Variants in IPP observed in about 807,000 individuals in gnomAD.
IPP encodes intracisternal A particle-promoted polypeptide.
Under a neutral mutation model 64.1 loss-of-function variants are expected in IPP, and 41 were observed. That is an observed-to-expected ratio of 0.64 (90% CI 0.50 to 0.83). The LOEUF (loss-of-function observed/expected upper bound fraction) is 0.83, where lower values mean the gene tolerates loss of function less well. IPP is among the 40% of genes least tolerant of loss of function. The pLI is 0.00. For synonymous variants in IPP, 214 were observed against 235.2 expected, an observed-to-expected ratio of 0.91 and a Z score of 0.83; for missense variants, 649 against 703.0, an observed-to-expected ratio of 0.92 and a Z score of 0.87.
chr1:45,698,123 T>A (rs1006024559), downstream of IPP: 1 of 151,708 alleles, frequency 6.6e-6, no homozygotes, highest in African/African-American at 2.4e-5. Context: ...GCCAACATGG[T>A]GAAACCCCAT....
At chr1:45,708,172 C>T (rs996479342) in intron 8 of IPP, among the ~76,000 whole-genome samples, 3 of 151,506 alleles carry the variant, frequency 2.0e-5, no homozygotes, top group African/African-American at 7.3e-5. Flanking sequence ...TCATGCCATT[C>T]TCCTGCCTCA....
chr1:45,734,658 C>T (rs997338043), intron 3 of IPP, among the ~76,000 whole-genome samples: 24 of 152,262 alleles, frequency 1.6e-4, no homozygotes, highest in African/African-American at 4.6e-4. Flanking sequence ...CTCACTCTAT[C>T]GCCCAGGCTG....
At chr1:45,722,445 G>C (rs1203757659) in intron 5 of IPP, among the ~76,000 whole-genome samples, 1 of 151,860 alleles carries the variant, frequency 6.6e-6, no homozygotes, top group African/African-American at 2.4e-5. Flanking sequence ...CAGCTACTTG[G>C]GAGGCTGAGG....
chr1:45,717,551 G>A (rs1645677675), intron 6 of IPP, among the ~76,000 whole-genome samples: 1 of 151,510 alleles, frequency 6.6e-6, no homozygotes. Flanking sequence ...TGTCACCCAG[G>A]CTGGAGTGCA....
At chr1:45,738,776 C>A (rs2148579184) in intron 3 of IPP, among the ~76,000 whole-genome samples, 1 of 136,800 alleles carries the variant, frequency 7.3e-6, no homozygotes, top group South Asian at 2.3e-4. Flanking sequence ...GGAGGCGGAG[C>A]TTGCAGTGAG....
chr1:45,699,743 A>G lies in IPP; in HGVS notation c.*223T>C. 1 of 1,284,352 alleles carries G rather than the reference A, an allele frequency of 7.8e-7. No individual in the cohort carries two copies. Among genetic ancestry groups the G allele is most frequent in the South Asian group, 1.9e-5 (1 of 53,398 alleles). The allele number at this position is 1,284,352 out of a possible 1,614,324, so 79.6% of individuals were successfully genotyped here. A position where few individuals can be genotyped will look rare whatever the true frequency, so the allele number is the denominator to read the frequency against. On this transcript the variant is annotated 3_prime_UTR_variant, in exon 9 of 9. Transcript: ENST00000396478. ...AGTGGCATGATCGTAGCTTACTACA[A>G]CCTCAAATTCCTGGGCTCAAGTGAT...
chr1:45,702,813 A>G (rs1645472440), intron 8 of IPP, among the ~76,000 whole-genome samples: 1 of 152,176 alleles, frequency 6.6e-6, no homozygotes, highest in South Asian at 2.1e-4. Flanking sequence ...TCAAAGCCAT[A>G]TAGAAAAATT....
chr1:45,746,320 C>T lies in IPP; in HGVS notation c.92G>A (p.Arg31Lys). The change falls in exon 2 of 9, where the codon AGA (arginine) becomes AAA (lysine). Residue 31 changes from arginine to lysine, a missense_variant. Transcript: ENST00000396478. ...CACATCACAGAAATGCTGTCCATTTCTCATCTTATTGATTTGGGCCAAGAT... is the reference window on the plus strand; with the variant it reads ...CACATCACAGAAATGCTGTCCATTTTTCATCTTATTGATTTGGGCCAAGAT... ...QLILAQINKM[R>K]NGQHFCDVQL... 1.2e-6 allele frequency: 2 copies of T among 1,614,132 alleles called. No homozygotes were observed. The highest frequency in any genetic ancestry group is 1.7e-4 in the Middle Eastern group (1 of 6,060).
chr1:45,733,480 A>AC (rs1645937276), intron 3 of IPP, among the ~76,000 whole-genome samples: 2 of 151,084 alleles, frequency 1.3e-5, no homozygotes, highest in African/African-American at 2.4e-5. Flanking sequence ...TAAAAAAAAA[A>AC]ACCCCAAAAT....
chr1:45,699,051 G>GC lies in IPP; in HGVS notation c.*914dup, dbSNP rs1471337720. ...CTAAAAAAGGGAGAAATTTCTAGGT[G>GC]CATACTGCCTGCTGGACTGTATAGC... On this transcript the variant is annotated 3_prime_UTR_variant, in exon 9 of 9. Coordinates refer to ENST00000396478, the MANE Select transcript of IPP (RefSeq NM_005897.3). The GC allele has an allele frequency of 4.1e-6, 4 of 985,398 alleles. No homozygotes were observed. In the East Asian group the frequency reaches 4.5e-4, roughly 112 times the overall value. 61.0% of individuals were successfully genotyped at this position (985,398 alleles called of 1,614,324 possible).
chr1:45,698,941 C>T lies in IPP; in HGVS notation c.*1025G>A, dbSNP rs916020300. ...CTCATCACGTTGCCCAGGCTAGTCT[C>T]GAACTCCTGAGTTCAAGCCATCTTC... On this transcript the variant is annotated 3_prime_UTR_variant, in exon 9 of 9. Coordinates refer to ENST00000396478, the MANE Select transcript of IPP (RefSeq NM_005897.3). 8.3e-6 allele frequency: 5 copies of T among 604,338 alleles called. No homozygotes were observed. In the East Asian group the frequency reaches 4.3e-4, roughly 51 times the overall value. The allele number at this position is 604,338 out of a possible 1,614,324, so 37.4% of individuals were successfully genotyped here.
intron 6 of IPP, among the ~76,000 whole-genome samples, chr1:45,718,407 G>C (rs940929437): frequency 2.6e-5 from 4 of 152,246 alleles, no homozygotes; most frequent in African/African-American, 9.6e-5. Context: ...GAATGTGTGT[G>C]ACTAGCAGCT....
At chr1:45,728,687 GGTTTCAT>G (rs1173396902) in intron 4 of IPP, among the ~76,000 whole-genome samples, 4 of 151,878 alleles carry the variant, frequency 2.6e-5, no homozygotes, top group African/African-American at 9.7e-5. Flanking sequence ...ATAAAGACAA[GGTTTCAT>G]CATGTTGCCT....
In IPP at chr1:45,707,965, C is replaced by T. The variant is rs566336356; in HGVS notation, c.1530+6281G>A. On this transcript the variant is annotated intron_variant, in intron 8 of 8. Coordinates refer to ENST00000396478, the MANE Select transcript of IPP (RefSeq NM_005897.3). ...AAGCTGCGGAAGAAAAAACACGTTA[C>T]ATATGGAGGAACAAAGACAAAAATT... 2.0e-5 allele frequency among the ~76,000 whole-genome samples: 3 copies of T among 151,936 alleles called. No homozygotes were observed. The South Asian group carries it at 6.2e-4, about 32-fold the overall frequency.
intron 3 of IPP, among the ~76,000 whole-genome samples, chr1:45,738,148 C>T (rs1044437227): frequency 6.6e-6 from 1 of 152,194 alleles, no homozygotes; most frequent in African/African-American, 2.4e-5. Context: ...AGGGGGACTA[C>T]TGCACTTGTT....
chr1:45,731,302 G>A (rs185428620), intron 3 of IPP, among the ~76,000 whole-genome samples: 3 of 152,214 alleles, frequency 2.0e-5, no homozygotes, highest in Admixed American at 1.3e-4. Flanking sequence ...TGAGCTGGGC[G>A]TGGTGGTATG....
chr1:45,720,178 C>T lies in IPP; in HGVS notation c.1049-838G>A, dbSNP rs146127972. Among the ~76,000 whole-genome samples the T allele has an allele frequency of 4.7e-3, 704 of 151,252 alleles. 7 individuals carry two copies. Among genetic ancestry groups the T allele is most frequent in the African/African-American group, 0.016 (657 of 41,222 alleles). ...GAAGCCTCAAACTCCTGGACTCAAG[C>T]GATCCTCCTGCCTCAGCCTCCCAAG... On this transcript the variant is annotated intron_variant, in intron 5 of 8. Coordinates refer to ENST00000396478, the MANE Select transcript of IPP (RefSeq NM_005897.3).
At position 45,699,919 on chromosome 1, in the gene IPP, G is replaced by C; in HGVS notation, c.*47C>G. On this transcript the variant is annotated 3_prime_UTR_variant, in exon 9 of 9. Coordinates refer to ENST00000396478, the MANE Select transcript of IPP (RefSeq NM_005897.3). ...CTATGTTTGCTTTGCAAAAGGTCAGGTCCTGCATTTTCAAAATGTTCCTTG... is the reference window on the plus strand; with the variant it reads ...CTATGTTTGCTTTGCAAAAGGTCAGCTCCTGCATTTTCAAAATGTTCCTTG... 3.8e-6 allele frequency: 6 copies of C among 1,599,254 alleles called. No individual in the cohort carries two copies. The highest frequency in any genetic ancestry group is 5.1e-6 in the Non-Finnish European group (6 of 1,170,798).
chr1:45,695,773 G>A (rs997115073), downstream of IPP, among the ~76,000 whole-genome samples: 6 of 151,944 alleles, frequency 3.9e-5, no homozygotes, highest in South Asian at 2.1e-4. Flanking sequence ...GTGTTGAAGC[G>A]ATTCTCCTGC....
Sources: allele counts gnomAD v4.1 joint callset (sites outside exome capture counted in the v4.1 genomes callset), GRCh38; gene constraint gnomAD v4.1.1; transcripts MANE v1.5; gene names NCBI Gene and HGNC (gene_info 2026-07-23, HGNC 2026-07-21).